CDC20B: variants seen among roughly 807,000 people sequenced by gnomAD.
CDC20B encodes the protein cell division cycle 20B.
In CDC20B, 58 loss-of-function variants were observed where a neutral mutation model predicts 64.1. The ratio of observed to expected loss-of-function variants is 0.90; its 90% CI spans 0.73 to 1.13. CDC20B has a LOEUF of 1.13. Ranked by LOEUF, CDC20B falls within the 50% of genes most tolerant of loss-of-function variation. The probability of loss-of-function intolerance (pLI) is 0.00; values close to 1 mark genes in which losing one functional copy is unlikely to be tolerated. For synonymous variants in CDC20B, 243 were observed against 230.6 expected, an observed-to-expected ratio of 1.05 and a Z score of -0.49; for missense variants, 597 against 633.0, an observed-to-expected ratio of 0.94 and a Z score of 0.61.
chr5:55,126,023 A>G (rs1409151010), intron 8 of CDC20B, among the ~76,000 whole-genome samples: 1 of 152,236 alleles, frequency 6.6e-6, no homozygotes, highest in Admixed American at 6.5e-5. Context: ...GTTAGCTGCT[A>G]TTATTATAAG....
chr5:55,119,774 T>C (rs373243354), intron 11 of CDC20B, 27 bp downstream of exon 11: 268 of 1,356,376 alleles, frequency 2.0e-4, no homozygotes, highest in Non-Finnish European at 2.7e-4. Context: ...TATAGGTGCA[T>C]GGCATTTTAC....
intron 11 of CDC20B, among the ~76,000 whole-genome samples, chr5:55,119,210 AGAG>A (rs1454425150): frequency 6.6e-6 from 1 of 152,124 alleles, no homozygotes; most frequent in Non-Finnish European, 1.5e-5. Flanking sequence ...TGGGCTGGGT[AGAG>A]GAGATACTCT....
intron 11 of CDC20B, among the ~76,000 whole-genome samples, chr5:55,115,606 G>A (rs1265452682): frequency 1.3e-5 from 2 of 152,198 alleles, no homozygotes; most frequent in African/African-American, 4.8e-5. Flanking sequence ...GGGAGGAAAG[G>A]AGGTCAGATA....
chr5:55,131,043 G>T (rs1404375074), intron 6 of CDC20B, among the ~76,000 whole-genome samples: 2 of 152,110 alleles, frequency 1.3e-5, no homozygotes, highest in Non-Finnish European at 2.9e-5. Context: ...GATCACTTGA[G>T]CCCAGGAGGT....
At chr5:55,160,827 C>A in intron 2 of CDC20B, 1 of 637,624 alleles carries the variant, frequency 1.6e-6, no homozygotes, top group Non-Finnish European at 2.6e-6. Context: ...TTAACCCAGG[C>A]ATCTAGGTTA....
intron 2 of CDC20B, among the ~76,000 whole-genome samples, chr5:55,156,597 C>G (rs2111917580): frequency 6.6e-6 from 1 of 152,180 alleles, no homozygotes; most frequent in Admixed American, 6.5e-5. Context: ...AGTCACTGGC[C>G]AGGCATGGTG....
rs1329097221 is a variant in CDC20B at position 55,114,851 on chromosome 5, T to C, written c.1460-533A>G. Among the ~76,000 whole-genome samples, 2 of 152,202 alleles carry C rather than the reference T, an allele frequency of 1.3e-5. No individual in the cohort carries two copies. Among genetic ancestry groups the C allele is most frequent in the South Asian group, 4.1e-4 (2 of 4,828 alleles). On this transcript the variant is annotated intron_variant, in intron 11 of 11. Transcript: ENST00000381375. The surrounding 1 kb of genome is among the most constrained non-coding windows in gnomAD (Gnocchi z 4.1). ...ACCTGGATAATCCAGGATGATTTTA[T>C]TTCCAGATCCTTAATGACATCTCCA... is the stretch of plus-strand genomic sequence containing the variant.
chr5:55,119,664 G>C, intron 11 of CDC20B, 137 bp downstream of exon 11: 2 of 609,974 alleles, frequency 3.3e-6, no homozygotes, highest in Non-Finnish European at 5.9e-6. Flanking sequence ...AGGTAGGGTG[G>C]ATGTAGGACT....
rs1742733699 is a variant in CDC20B, at chr5:55,120,565, A to G, written c.1216-15T>C. On this transcript the variant is annotated splice_polypyrimidine_tract_variant and intron_variant, in intron 9 of 11. Coordinates refer to ENST00000381375, the MANE Select transcript of CDC20B (RefSeq NM_001170402.1). ...CAATCCATGGCCTTTAAAGTTTCAC[A>G]TAATAGCACAGACAGGTCAGCTTCA... 6.2e-7 allele frequency: 1 copy of G among 1,612,186 alleles called. No homozygotes were observed.
chr5:55,115,910 C>A (rs1742612379), intron 11 of CDC20B, among the ~76,000 whole-genome samples: 1 of 152,190 alleles, frequency 6.6e-6, no homozygotes, highest in East Asian at 1.9e-4. Flanking sequence ...ACACACCACA[C>A]ACACACGCAC....
At chr5:55,138,352 G>C (rs1375028309) in intron 5 of CDC20B, among the ~76,000 whole-genome samples, 1 of 151,980 alleles carries the variant, frequency 6.6e-6, no homozygotes, top group Non-Finnish European at 1.5e-5. Flanking sequence ...CTAGAGATGG[G>C]GTCTCACCAT....
At chr5:55,163,009 G>A (rs922850693) in intron 2 of CDC20B, among the ~76,000 whole-genome samples, 8 of 152,112 alleles carry the variant, frequency 5.3e-5, no homozygotes, top group African/African-American at 1.9e-4. Flanking sequence ...AAACGGGGAT[G>A]ATAATAATAC....
At chr5:55,169,978 G>A (rs896758933) in intron 2 of CDC20B, among the ~76,000 whole-genome samples, 1 of 152,150 alleles carries the variant, frequency 6.6e-6, no homozygotes, top group African/African-American at 2.4e-5. Context: ...GCCGGGCATG[G>A]TAGCAGGCGC....
chr5:55,160,053 T>C (rs759492672), intron 2 of CDC20B: 1 of 625,120 alleles, frequency 1.6e-6, no homozygotes, highest in Non-Finnish European at 2.9e-6. Context: ...ATTTCCCCTC[T>C]GAGAAGTGGT....
intron 6 of CDC20B, among the ~76,000 whole-genome samples, chr5:55,131,006 C>T (rs58433852): frequency 0.089 from 13,533 of 152,052 alleles, 744 homozygotes; most frequent in Admixed American, 0.17. Flanking sequence ...CCTGTGGGCC[C>T]AGCTACTTGG....
At chr5:55,130,523 G>A (rs899291292) in intron 6 of CDC20B, among the ~76,000 whole-genome samples, 1 of 152,142 alleles carries the variant, frequency 6.6e-6, no homozygotes, top group Non-Finnish European at 1.5e-5. Context: ...GGGGGTAGGG[G>A]GCAGTGGTGG....
intron 5 of CDC20B, chr5:55,137,353 A>C (rs1743208414): frequency 5.9e-6 from 2 of 341,448 alleles, no homozygotes; most frequent in Non-Finnish European, 1.2e-5. Flanking sequence ...AAAGAGGTAC[A>C]CCTGAAAGTT....
At chr5:55,170,207 T>C (rs899122551) in intron 2 of CDC20B, among the ~76,000 whole-genome samples, 2 of 152,242 alleles carry the variant, frequency 1.3e-5, no homozygotes, top group Non-Finnish European at 2.9e-5. Context: ...TCCACATTGT[T>C]ATTACATTCT....
At chr5:55,160,215 C>T (rs763120289) in intron 2 of CDC20B, 1 of 1,614,012 alleles carries the variant, frequency 6.2e-7, no homozygotes, top group Non-Finnish European at 8.5e-7. Context: ...GCAGCTTACC[C>T]GCTAAAATGT....
Sources: allele counts gnomAD v4.1 joint callset (sites outside exome capture counted in the v4.1 genomes callset), GRCh38; gene constraint gnomAD v4.1.1; non-coding constraint Gnocchi (gnomAD v3.1); transcripts MANE v1.5; gene names NCBI Gene and HGNC (gene_info 2026-07-23, HGNC 2026-07-21).